The following MSRA variants were observed in gnomAD, a reference collection of about 807,000 sequenced individuals.
The protein encoded by MSRA is mitochondrial peptide methionine sulfoxide reductase.
A neutral mutation model predicts 31.3 loss-of-function variants in MSRA; 54 were observed. The ratio of observed to expected loss-of-function variants is 1.73; its 90% CI spans 1.39 to 2.17. The LOEUF (loss-of-function observed/expected upper bound fraction) is 2.17. Ranked by LOEUF, MSRA falls within the 30% of genes most tolerant of loss-of-function variation. The pLI, the probability that MSRA is intolerant of heterozygous loss-of-function variation, is 0.00. For synonymous variants in MSRA, 169 were observed against 116.5 expected, an observed-to-expected ratio of 1.45 and a Z score of -2.90; for missense variants, 507 against 300.9, an observed-to-expected ratio of 1.69 and a Z score of -5.07.
At chr8:10,190,052 C>T (rs537026935) in intron 1 of MSRA, among the ~76,000 whole-genome samples, 1 of 152,260 alleles carries the variant, frequency 6.6e-6, no homozygotes, top group South Asian at 2.1e-4. Flanking sequence ...GCTCCAAATA[C>T]ATCTTTCTGT....
intron 1 of MSRA, among the ~76,000 whole-genome samples, chr8:10,193,156 G>GGT (rs1157422641): frequency 2.0e-5 from 3 of 152,140 alleles, no homozygotes; most frequent in African/African-American, 7.2e-5. Flanking sequence ...TTATAGCTGA[G>GGT]GTATGCCAAG....
intron 1 of MSRA, among the ~76,000 whole-genome samples, chr8:10,173,252 C>G (rs1484677358): frequency 2.0e-5 from 3 of 152,234 alleles, no homozygotes; most frequent in Non-Finnish European, 4.4e-5. Flanking sequence ...GCCGAAGGCT[C>G]TCCGTGTCTG....
At chr8:10,241,794 G>A (rs1197841620) in intron 2 of MSRA, among the ~76,000 whole-genome samples, 3 of 152,186 alleles carry the variant, frequency 2.0e-5, no homozygotes, top group East Asian at 1.9e-4. Flanking sequence ...GTCTGATGAA[G>A]CCTCTGGATC....
chr8:10,195,855 C>T (rs530120681), intron 1 of MSRA, among the ~76,000 whole-genome samples: 4 of 152,316 alleles, frequency 2.6e-5, no homozygotes, highest in Admixed American at 6.5e-5. Context: ...AGCCAGAATT[C>T]GTTTTCACGA....
intron 1 of MSRA, among the ~76,000 whole-genome samples, chr8:10,059,389 T>C (rs1205146580): frequency 3.9e-5 from 6 of 152,212 alleles, no homozygotes; most frequent in Non-Finnish European, 8.8e-5. Context: ...CCCATAGATG[T>C]TAGGCAGTTT....
intron 1 of MSRA, among the ~76,000 whole-genome samples, chr8:10,123,869 TTTC>T (rs753841950): frequency 9.5e-4 from 145 of 152,098 alleles, no homozygotes; most frequent in Non-Finnish European, 6.3e-4. Context: ...TTTTTTTTTC[TTTC>T]TTCTTCTTTT....
At chr8:10,301,723 A>G (rs748850141) in intron 4 of MSRA, 85 bp downstream of exon 4, 1 of 1,082,854 alleles carries the variant, frequency 9.2e-7, no homozygotes, top group Non-Finnish European at 1.4e-6. Flanking sequence ...GAAGAGATGA[A>G]CCTTGAAATC....
intron 1 of MSRA, among the ~76,000 whole-genome samples, chr8:10,154,835 T>A (rs1207375637): frequency 6.6e-6 from 1 of 152,020 alleles, no homozygotes; most frequent in Admixed American, 6.6e-5. Context: ...TAATTTTTTT[T>A]TCTTGGAAAT....
chr8:10,376,226 A>G (rs1805748437), intron 5 of MSRA, among the ~76,000 whole-genome samples: 1 of 152,226 alleles, frequency 6.6e-6, no homozygotes, highest in South Asian at 2.1e-4. Context: ...ATGGGCGATC[A>G]CATGTCTCTT....
intron 2 of MSRA, among the ~76,000 whole-genome samples, chr8:10,233,340 G>C (rs1811654440): frequency 2.0e-5 from 3 of 152,104 alleles, no homozygotes; most frequent in African/African-American, 7.2e-5. Context: ...AAATTCTAAA[G>C]AATATGAATA....
intron 1 of MSRA, among the ~76,000 whole-genome samples, chr8:10,126,713 C>T (rs192069551): frequency 1.3e-5 from 2 of 152,242 alleles, no homozygotes; most frequent in East Asian, 3.9e-4. Flanking sequence ...GGGATTTTGC[C>T]ATGTTGGCCA....
intron 5 of MSRA, among the ~76,000 whole-genome samples, chr8:10,424,927 G>C (rs1016588093): frequency 6.6e-6 from 1 of 152,242 alleles, no homozygotes; most frequent in East Asian, 1.9e-4. Context: ...AAGGAGCAGG[G>C]GGGCTGCGAA....
At chr8:10,146,226 A>G (rs182607946) in intron 1 of MSRA, among the ~76,000 whole-genome samples, 55 of 152,224 alleles carry the variant, frequency 3.6e-4, no homozygotes, top group African/African-American at 1.2e-3. Flanking sequence ...TTTTTCCCCT[A>G]GCTATTTGGG....
At chr8:10,388,611 A>C (rs1478607879) in intron 5 of MSRA, among the ~76,000 whole-genome samples, 1 of 152,166 alleles carries the variant, frequency 6.6e-6, no homozygotes, top group East Asian at 1.9e-4. Flanking sequence ...CAGGAGGCCA[A>C]GAAACCTGCT....
chr8:10,079,582 T>C (rs73664917), intron 1 of MSRA, among the ~76,000 whole-genome samples: 1 of 152,342 alleles, frequency 6.6e-6, no homozygotes, highest in African/African-American at 2.4e-5. Flanking sequence ...CTGACTGGTC[T>C]TAAGTGTCAC....
intron 2 of MSRA, among the ~76,000 whole-genome samples, chr8:10,211,701 G>A (rs1809512448): frequency 6.6e-6 from 1 of 152,102 alleles, no homozygotes; most frequent in South Asian, 2.1e-4. Flanking sequence ...ACATGGCCGA[G>A]GCTTCCTCAG....
At chr8:10,290,422 C>T (rs1209079833) in intron 3 of MSRA, among the ~76,000 whole-genome samples, 1 of 152,008 alleles carries the variant, frequency 6.6e-6, no homozygotes, top group Admixed American at 6.5e-5. Flanking sequence ...AGGTCCCTTA[C>T]AATTCTGAGA....
chr8:10,332,382 G>A (rs1337129313), intron 5 of MSRA, among the ~76,000 whole-genome samples: 1 of 151,742 alleles, frequency 6.6e-6, no homozygotes, highest in Non-Finnish European at 1.5e-5. Flanking sequence ...AAAGCATGAA[G>A]TTATGATTTA....
chr8:10,368,361 A>G (rs1407221849), intron 5 of MSRA, among the ~76,000 whole-genome samples: 1 of 152,244 alleles, frequency 6.6e-6, no homozygotes, highest in African/African-American at 2.4e-5. Flanking sequence ...AGATGTGCAG[A>G]TAAGATGGAG....
Sources: allele counts gnomAD v4.1 joint callset (sites outside exome capture counted in the v4.1 genomes callset), GRCh38; gene constraint gnomAD v4.1.1; transcripts MANE v1.5; gene names NCBI Gene and HGNC (gene_info 2026-07-23, HGNC 2026-07-21).